Variants in MAF observed in about 807,000 individuals in gnomAD.
MAF encodes the protein transcription factor Maf.
In MAF, 10 loss-of-function variants were observed where a neutral mutation model predicts 22.0. The observed-to-expected ratio is 0.45, with a 90% CI of 0.28 to 0.77. The LOEUF (loss-of-function observed/expected upper bound fraction) is 0.77. Ranked by LOEUF, MAF falls within the 30% of genes least tolerant of loss-of-function variation. The pLI is 0.12. For synonymous variants in MAF, 337 were observed against 255.8 expected (o/e 1.32, Z -3.03); for missense variants, 544 against 548.4 (o/e 0.99, Z 0.08).
At chr16:79,451,831 C>T in the MAF span, among the ~76,000 whole-genome samples, 1 of 152,170 alleles carries the variant, frequency 6.6e-6, no homozygotes, top group Non-Finnish European at 1.5e-5. Context: ...CCTAACTAAA[C>T]ATGTATCTAT....
At chr16:79,574,495 C>A in the MAF span, among the ~76,000 whole-genome samples, 1 of 152,208 alleles carries the variant, frequency 6.6e-6, no homozygotes, top group Non-Finnish European at 1.5e-5. Flanking sequence ...TCTAACACCT[C>A]AAAATCGTCT....
At chr16:79,555,239 T>C in the MAF span, among the ~76,000 whole-genome samples, 1 of 152,208 alleles carries the variant, frequency 6.6e-6, no homozygotes, top group African/African-American at 2.4e-5. Context: ...GCCCTGGGAT[T>C]GCAATTCCCA....
At chr16:79,452,597 G>A in the MAF span, among the ~76,000 whole-genome samples, 1 of 152,104 alleles carries the variant, frequency 6.6e-6, no homozygotes, top group Non-Finnish European at 1.5e-5. Context: ...TTTTCTTGGT[G>A]ATTTGAAAAA....
chr16:79,561,983 T>C, the MAF span, among the ~76,000 whole-genome samples: 1 of 152,158 alleles, frequency 6.6e-6, no homozygotes, highest in African/African-American at 2.4e-5. Flanking sequence ...GAGCCGTTTG[T>C]CCCCAGGCTC....
the MAF span, among the ~76,000 whole-genome samples, chr16:79,463,897 A>C: frequency 2.0e-5 from 3 of 152,068 alleles, no homozygotes; most frequent in East Asian, 5.8e-4. Context: ...TCCCACCCTA[A>C]AACAAATGGA....
the MAF span, among the ~76,000 whole-genome samples, chr16:79,505,371 A>C: frequency 6.6e-6 from 1 of 152,162 alleles, no homozygotes; most frequent in Non-Finnish European, 1.5e-5. Flanking sequence ...AGGGTTTTGT[A>C]TATTTTGTGA....
the MAF span, among the ~76,000 whole-genome samples, chr16:79,552,431 A>G: frequency 2.0e-5 from 3 of 151,182 alleles, no homozygotes; most frequent in African/African-American, 7.3e-5. Flanking sequence ...CTGGTCTTGA[A>G]CTCCTGGTCT....
the MAF span, among the ~76,000 whole-genome samples, chr16:79,523,154 G>A: frequency 1.5e-3 from 230 of 152,298 alleles, 2 homozygotes; most frequent in Non-Finnish European, 1.9e-3. Flanking sequence ...AGCAGATATT[G>A]TTATGATATG....
At chr16:79,297,121 G>A in the MAF span, among the ~76,000 whole-genome samples, 1 of 152,150 alleles carries the variant, frequency 6.6e-6, no homozygotes. Context: ...TTGTGAGGAT[G>A]CAGTCTGGAT....
chr16:79,402,125 C>G, the MAF span, among the ~76,000 whole-genome samples: 6 of 152,326 alleles, frequency 3.9e-5, no homozygotes, highest in South Asian at 1.0e-3. Context: ...GCAGCTTAAG[C>G]TAGCAGAATT....
the MAF span, among the ~76,000 whole-genome samples, chr16:79,250,852 G>C: frequency 1.3e-5 from 2 of 152,288 alleles, no homozygotes; most frequent in Admixed American, 1.3e-4. Context: ...GGACCAAGGG[G>C]ATGTCCCAGA....
At chr16:79,349,218 G>C in the MAF span, among the ~76,000 whole-genome samples, 1 of 152,200 alleles carries the variant, frequency 6.6e-6, no homozygotes, top group African/African-American at 2.4e-5. Flanking sequence ...GCAGAGCTGG[G>C]ACTCAAAGTA....
the MAF span, among the ~76,000 whole-genome samples, chr16:79,243,648 C>T: frequency 3.3e-5 from 5 of 152,044 alleles, no homozygotes; most frequent in Admixed American, 3.3e-4. Context: ...CAAAGAGGAG[C>T]TGGTACCATT....
chr16:79,517,923 T>C, the MAF span, among the ~76,000 whole-genome samples: 1 of 152,118 alleles, frequency 6.6e-6, no homozygotes, highest in African/African-American at 2.4e-5. Context: ...ATACCCACAA[T>C]AGTGGACCAA....
chr16:79,340,483 C>G, the MAF span, among the ~76,000 whole-genome samples: 2 of 151,262 alleles, frequency 1.3e-5, no homozygotes, highest in Admixed American at 1.3e-4. Flanking sequence ...TAGTCAAGGC[C>G]ATGCCTTTCT....
At chr16:79,532,299 T>C in the MAF span, among the ~76,000 whole-genome samples, 2 of 152,192 alleles carry the variant, frequency 1.3e-5, no homozygotes, top group East Asian at 3.9e-4. Context: ...CATTCTCCCA[T>C]GTCCAACAGC....
chr16:79,292,636 G>A, the MAF span, among the ~76,000 whole-genome samples: 2 of 152,148 alleles, frequency 1.3e-5, no homozygotes. Flanking sequence ...TCACAATGAG[G>A]TTGAGACCTA....
At chr16:79,268,390 C>G in the MAF span, among the ~76,000 whole-genome samples, 1 of 152,160 alleles carries the variant, frequency 6.6e-6, no homozygotes, top group Non-Finnish European at 1.5e-5. Context: ...CTCTCTAAGC[C>G]TCCATTTCCT....
chr16:79,598,760 A>T, intron 1 of MAF, 25 bp downstream of exon 1: 1 of 1,613,676 alleles, frequency 6.2e-7, no homozygotes, highest in South Asian at 1.1e-5. Flanking sequence ...CAGGGTGGCT[A>T]GCTGGAATCG....
Sources: allele counts gnomAD v4.1 joint callset (sites outside exome capture counted in the v4.1 genomes callset), GRCh38; gene constraint gnomAD v4.1.1; transcripts MANE v1.5; gene names NCBI Gene and HGNC (gene_info 2026-07-23, HGNC 2026-07-21).